ZNF596: variants seen among roughly 807,000 people sequenced by gnomAD.
ZNF596 encodes the protein zinc finger protein 596.
A neutral mutation model predicts 48.3 loss-of-function variants in ZNF596; 45 were observed. That is an observed-to-expected ratio of 0.93 (90% CI 0.73 to 1.19). The LOEUF is 1.19. Among genes scored for constraint, ZNF596 ranks in the 50% most tolerant of loss-of-function variants. The pLI is 0.00. For missense variants in ZNF596, 848 were observed against 599.7 expected (o/e 1.41, Z -4.32); for synonymous variants, 270 against 202.0 (o/e 1.34, Z -2.85).
chr8:244,578 C>G (rs775179711), intron 4 of ZNF596, 41 bp from the exon 5 acceptor site: 22 of 1,427,604 alleles, frequency 1.5e-5, no homozygotes, highest in Admixed American at 3.5e-5. Flanking sequence ...TTTTATTCCC[C>G]TAATGCCTAT....
At position 247,049 on chromosome 8, in the gene ZNF596, T is replaced by C. The variant is rs1201170217; in HGVS notation, c.*687T>C. ...TCATTCCTTAGTCAATACCAGCATT[T>C]TTCCAGTGAGAAAACTATCTTGACA... is the stretch of plus-strand genomic sequence containing the variant. On this transcript the variant is annotated 3_prime_UTR_variant, in exon 6 of 6. Coordinates refer to ENST00000398612, the MANE Select transcript of ZNF596 (RefSeq NM_001042416.3). The C allele has an allele frequency of 6.6e-6, 1 of 152,180 alleles. No homozygotes were observed. Among genetic ancestry groups the C allele is most frequent in the African/African-American group, 2.4e-5 (1 of 41,434 alleles). The allele number at this position is 152,180 out of a possible 1,614,324, so 9.4% of individuals were successfully genotyped here.
At chr8:242,760 C>A in intron 2 of ZNF596, 127 bp from the exon 3 acceptor site, 1 of 855,338 alleles carries the variant, frequency 1.2e-6, no homozygotes, top group Non-Finnish European at 1.6e-6. Flanking sequence ...TGACAGGAAC[C>A]CCAAACACTG....
At chr8:244,780 CCTGA>C in intron 5 of ZNF596, 79 bp downstream of exon 5, 4 of 1,155,588 alleles carry the variant, frequency 3.5e-6, no homozygotes, top group Non-Finnish European at 5.0e-6. Context: ...GGTACAGGTA[CCTGA>C]CTGTACTTAA....
chr8:243,295 TCA>T (rs1356088387), intron 3 of ZNF596: 1 of 315,532 alleles, frequency 3.2e-6, no homozygotes, highest in African/African-American at 2.1e-5. Context: ...TTATGGTAAT[TCA>T]CTGCTTTGGT....
Position 246,118 on chromosome 8 carries a change from G to A in ZNF596, c.1271G>A (p.Cys424Tyr). The A allele has an allele frequency of 6.2e-7, 1 of 1,613,496 alleles. No homozygotes were observed. Among genetic ancestry groups the A allele is most frequent in the East Asian group, 2.2e-5 (1 of 44,864 alleles). The change falls in exon 6 of 6, where the codon TGC becomes TAC. Residue 424 changes from cysteine (C) to tyrosine (Y), a missense_variant. By Grantham distance (194) the Cys-to-Tyr change is radical. Transcript: ENST00000398612. ...GAAAAACCATATGAATGCCATCTAT[G>A]CGGAAAAGCCTTCAATCACTCTTCT... ...TGEKPYECHL[C>Y]GKAFNHSSVL...
Position 236,269 on chromosome 8 carries a change from A to G in ZNF596, c.-73+3575A>G, listed in dbSNP as rs145065615. On this transcript the variant is annotated intron_variant, in intron 1 of 5. Coordinates refer to ENST00000398612, the MANE Select transcript of ZNF596 (RefSeq NM_001042416.3). ...AGGAAATATTGATTTCAGAATATTC[A>G]TAATAGTTTTGCCCACTTTTTAAAT... 2.6e-3 allele frequency among the ~76,000 whole-genome samples: 397 copies of G among 152,324 alleles called. 3 individuals are homozygous for G. The highest frequency in any genetic ancestry group is 8.9e-3 in the African/African-American group (370 of 41,558).
chr8:245,562 C>T lies in ZNF596; in HGVS notation c.715C>T (p.Arg239Ter), dbSNP rs375874171. The stretch of plus-strand genomic sequence containing the variant: ...AGCCTTTACTCATTGCTCTGATCTT[C>T]GAAAACATGAGAGAACTCACACTGG... ...GKAFTHCSDL[R>*]KHERTHTGEK... Residue 239 changes from arginine to a stop codon, truncating the protein, a stop_gained, in exon 6 of 6, where the codon CGA becomes TGA. Transcript: ENST00000398612. LOFTEE classifies it high-confidence loss of function. The T allele has an allele frequency of 4.3e-5, 69 of 1,611,684 alleles. No homozygotes were observed. The highest frequency in any genetic ancestry group is 9.0e-5 in the East Asian group (4 of 44,650).
chr8:243,906 T>C (rs1281092705), intron 4 of ZNF596, 101 bp downstream of exon 4: 12 of 1,010,038 alleles, frequency 1.2e-5, no homozygotes, highest in East Asian at 2.7e-5. Flanking sequence ...TTTGTTTTTT[T>C]AGACAGAATC....
Position 244,599 on chromosome 8 carries a change from T to G in ZNF596, c.224-20T>G. On this transcript the variant is annotated intron_variant, in intron 4 of 5. Transcript: ENST00000398612. ...TCCCCTAATGCCTATATAGCATCTT[T>G]TTTTTTTCATTTATTTCAGGTAGAG... 6.3e-7 allele frequency: 1 copy of G among 1,588,168 alleles called. No individual in the cohort carries two copies. The highest frequency in any genetic ancestry group is 8.6e-7 in the Non-Finnish European group (1 of 1,159,292).
intron 1 of ZNF596, among the ~76,000 whole-genome samples, chr8:237,953 T>C (rs575149566): frequency 4.6e-5 from 7 of 152,332 alleles, no homozygotes; most frequent in African/African-American, 7.2e-5. Context: ...GCTGTGGCCA[T>C]TGGTGGATCT....
chr8:243,271 C>G (rs956450425), intron 3 of ZNF596: 7 of 336,056 alleles, frequency 2.1e-5, no homozygotes, highest in Non-Finnish European at 3.3e-5. Context: ...TTTAATCTCC[C>G]AAACTCAGAA....
In ZNF596 at chr8:238,629, A is replaced by AT. The variant is rs1491552794; in HGVS notation, c.-72-2195_-72-2194insT. Among the ~76,000 whole-genome samples the AT allele has an allele frequency of 7.5e-3, 618 of 82,568 alleles. 2 individuals are homozygous for AT. Among genetic ancestry groups the AT allele is most frequent in the African/African-American group, 0.06 (593 of 9,894 alleles). The allele number at this position is 82,568 out of a possible 152,430, so 54.2% of individuals were successfully genotyped here. Reference sequence around the variant, plus strand: ...CAGCTTTGCCAACATGGTGAAATACAAAAAAAAAAAAAAAAAAAAAAAAAA... The same window carrying AT: ...CAGCTTTGCCAACATGGTGAAATACATAAAAAAAAAAAAAAAAAAAAAAAAA... On this transcript the variant is annotated intron_variant, in intron 1 of 5. Transcript: ENST00000398612.
chr8:240,967 G>T (rs1300734903), intron 2 of ZNF596, 60 bp downstream of exon 2: 1 of 1,595,862 alleles, frequency 6.3e-7, no homozygotes, highest in Admixed American at 1.7e-5. Flanking sequence ...CCTAAGGGCA[G>T]ATTCATCCTA....
intron 1 of ZNF596, chr8:233,277 G>C (rs1373262234): frequency 1.1e-5 from 4 of 360,386 alleles, no homozygotes; most frequent in African/African-American, 8.6e-5. Flanking sequence ...TTGACCGTCA[G>C]TAGCAGAGAG....
chr8:245,622 G>C lies in ZNF596; in HGVS notation c.775G>C (p.Ala259Pro), dbSNP rs1797040932. Reference protein sequence around the residue: ...KPYGCHLCGKAFSKSSNLRRH... With the variant: ...KPYGCHLCGKPFSKSSNLRRH... ...ATATGGATGTCATCTATGTGGGAAA[G>C]CCTTCAGTAAAAGTTCTAACCTTAG... Residue 259 changes from alanine to proline, a missense_variant, in exon 6 of 6, where the codon GCC (alanine) becomes CCC (proline). Coordinates refer to ENST00000398612, the MANE Select transcript of ZNF596 (RefSeq NM_001042416.3). 6.2e-7 allele frequency: 1 copy of C among 1,613,976 alleles called. No individual in the cohort carries two copies.
In ZNF596 at chr8:235,803, A is replaced by C. The variant is rs184844997; in HGVS notation, c.-73+3109A>C. Among the ~76,000 whole-genome samples the C allele has an allele frequency of 4.8e-3, 731 of 152,282 alleles. 4 individuals carry two copies. Among genetic ancestry groups the C allele is most frequent in the Non-Finnish European group, 7.9e-3 (536 of 68,014 alleles). Reference sequence around the variant, plus strand: ...TAAAATATTATGTTTTATTCAGTCCACTTATGAAATTGTTTAATATTGTTA... The same window carrying C: ...TAAAATATTATGTTTTATTCAGTCCCCTTATGAAATTGTTTAATATTGTTA... On this transcript the variant is annotated intron_variant, in intron 1 of 5. Transcript: ENST00000398612.
rs372751164 is a variant in ZNF596, at chr8:245,264, T to C, written c.417T>C (p.Phe139=). Residue 139 remains phenylalanine (F), a synonymous_variant, in exon 6 of 6, where the codon TTT becomes TTC. Transcript: ENST00000398612. The part of the protein sequence containing the change: ...NVITYMRTKH[F]VSKKFGKIFS... ...TTACCTACATGAGAACGAAACACTT[T>C]GTAAGCAAAAAGTTTGGGAAAATCT... 2 of 1,614,080 alleles carry C rather than the reference T, an allele frequency of 1.2e-6. No homozygotes were observed. Among genetic ancestry groups the C allele is most frequent in the South Asian group, 1.1e-5 (1 of 91,070 alleles).
rs370030080 is a variant in ZNF596, at chr8:243,739, T to C, written c.157T>C (p.Ser53Pro). The change falls in exon 4 of 6, where the codon TCA becomes CCA. Residue 53 changes from serine (S) to proline (P), a missense_variant. Transcript: ENST00000398612. ...LVSIGKQLCK[S>P]VVLSQLEQVE... is the part of the protein sequence containing the mutation. ...CAAAACAGGCAAACAGCTCTGCAAA[T>C]CAGTTGTGCTTTCCCAATTGGAGCA... 1.2e-6 allele frequency: 2 copies of C among 1,613,580 alleles called. No homozygotes were observed. The highest frequency in any genetic ancestry group is 1.7e-6 in the Non-Finnish European group (2 of 1,179,748).
At chr8:242,373 T>TGATA (rs1307168229) in intron 2 of ZNF596, among the ~76,000 whole-genome samples, 1 of 152,206 alleles carries the variant, frequency 6.6e-6, no homozygotes, top group African/African-American at 2.4e-5. Context: ...ATCTAAAAAG[T>TGATA]GATAGATAGG....
Sources: allele counts gnomAD v4.1 joint callset (sites outside exome capture counted in the v4.1 genomes callset), GRCh38; gene constraint gnomAD v4.1.1; transcripts MANE v1.5; gene names NCBI Gene and HGNC (gene_info 2026-07-23, HGNC 2026-07-21).